Variants in CEP70 observed in about 807,000 individuals in gnomAD.
CEP70 encodes the protein centrosomal protein of 70 kDa.
CEP70 carries 70 observed loss-of-function variants against 90.9 expected under a neutral mutation model. The ratio of observed to expected loss-of-function variants is 0.77; its 90% CI spans 0.64 to 0.94. The LOEUF (loss-of-function observed/expected upper bound fraction) is 0.94. Ranked by LOEUF, CEP70 falls within the 40% of genes least tolerant of loss-of-function variation. The pLI is 0.00. For missense variants in CEP70, 648 were observed against 669.0 expected, an observed-to-expected ratio of 0.97 and a Z score of 0.35; for synonymous variants, 220 against 228.3, an observed-to-expected ratio of 0.96 and a Z score of 0.33.
chr3:138,584,384 G>A (rs552448106), intron 2 of CEP70, among the ~76,000 whole-genome samples: 103 of 150,726 alleles, frequency 6.8e-4, no homozygotes, highest in African/African-American at 2.4e-3. Flanking sequence ...TCTGAAGAAT[G>A]GAAGAGGAGG....
intron 6 of CEP70, among the ~76,000 whole-genome samples, chr3:138,554,580 T>A (rs1255254089): frequency 1.3e-5 from 2 of 152,170 alleles, no homozygotes; most frequent in Non-Finnish European, 2.9e-5. Context: ...CTTAGAGTTT[T>A]CTAAAAAGCT....
At position 138,530,899 on chromosome 3, in the gene CEP70, T is replaced by C. The variant is rs972030385; in HGVS notation, c.693-1437A>G. The C allele has an allele frequency of 4.2e-6, 4 of 963,360 alleles. No homozygotes were observed. The African/African-American group carries it at 5.3e-5, about 13-fold the overall frequency. 59.7% of individuals were successfully genotyped at this position (963,360 alleles called of 1,614,324 possible). The stretch of plus-strand genomic sequence containing the variant: ...CTTAGAAAGGAGACTGAGTTTATAA[T>C]ATAAACTCCACTCAGTCAATGAATC... On this transcript the variant is annotated intron_variant, in intron 8 of 17. Transcript: ENST00000264982.
Position 138,570,336 on chromosome 3 carries a change from C to T in CEP70, c.447G>A (p.Lys149=). 6.3e-7 allele frequency: 1 copy of T among 1,583,224 alleles called. No individual in the cohort carries two copies. The highest frequency in any genetic ancestry group is 1.2e-5 in the South Asian group (1 of 85,006). ...TCAGTACCTGTAAAGTTTTCTGCTC[C>T]TTTTGAAGATCTTTTATTTTATTCT... The part of the protein sequence containing the change: ...HQQNKIKDLQ[K]EQKTLQVKCQ... Residue 149 remains lysine (K), a synonymous_variant, in exon 6 of 18, where the codon AAG becomes AAA. Transcript: ENST00000264982.
intron 13 of CEP70, among the ~76,000 whole-genome samples, chr3:138,502,688 TAAG>T (rs958394590): frequency 3.7e-4 from 57 of 152,258 alleles, no homozygotes; most frequent in African/African-American, 1.3e-3. Context: ...ATTACAAAGC[TAAG>T]AAGAAAAGAT....
chr3:138,523,481 G>A (rs1488284438), intron 11 of CEP70, among the ~76,000 whole-genome samples: 1 of 152,072 alleles, frequency 6.6e-6, no homozygotes, highest in African/African-American at 2.4e-5. Flanking sequence ...AAACCCCATT[G>A]TCTCAGCCCA....
At chr3:138,574,813 T>C (rs1480766353) in intron 2 of CEP70, among the ~76,000 whole-genome samples, 1 of 152,206 alleles carries the variant, frequency 6.6e-6, no homozygotes, top group Non-Finnish European at 1.5e-5. Flanking sequence ...AAACAGGGTC[T>C]GGAGTGGACC....
chr3:138,540,533 C>G (rs2038673446), intron 6 of CEP70, among the ~76,000 whole-genome samples: 1 of 146,212 alleles, frequency 6.8e-6, no homozygotes. Context: ...AAATGCAAAT[C>G]AAAACCACAA....
At chr3:138,543,388 T>C (rs1194507166) in intron 6 of CEP70, among the ~76,000 whole-genome samples, 1 of 152,206 alleles carries the variant, frequency 6.6e-6, no homozygotes, top group African/African-American at 2.4e-5. Flanking sequence ...CACACCTGAC[T>C]GGGTCATGAC....
intron 6 of CEP70, 32 bp downstream of exon 6, chr3:138,570,286 T>C: frequency 2.1e-6 from 3 of 1,432,518 alleles, no homozygotes; most frequent in Non-Finnish European, 2.9e-6. Flanking sequence ...TAGTACTAAC[T>C]AACCATCATC....
intron 2 of CEP70, among the ~76,000 whole-genome samples, chr3:138,586,247 T>G (rs1041513558): frequency 6.6e-6 from 1 of 152,124 alleles, no homozygotes; most frequent in African/African-American, 2.4e-5. Context: ...AACCTCTGCC[T>G]CCCAGGTTCA....
chr3:138,564,380 C>A (rs956837292), intron 6 of CEP70, among the ~76,000 whole-genome samples: 2 of 152,174 alleles, frequency 1.3e-5, no homozygotes, highest in Admixed American at 6.6e-5. Flanking sequence ...CAAAACCTGG[C>A]AGAGACACAA....
At chr3:138,528,015 A>C (rs2037452105) in intron 10 of CEP70, among the ~76,000 whole-genome samples, 1 of 145,230 alleles carries the variant, frequency 6.9e-6, no homozygotes, top group South Asian at 2.1e-4. Flanking sequence ...TTTAAAAGCA[A>C]AAAAAAAAAA....
intron 6 of CEP70, among the ~76,000 whole-genome samples, chr3:138,545,589 C>A (rs182096978): frequency 2.6e-5 from 4 of 152,232 alleles, no homozygotes; most frequent in East Asian, 1.9e-4. Context: ...TGACTGCCTG[C>A]AGGGTCAGGC....
intron 6 of CEP70, among the ~76,000 whole-genome samples, chr3:138,568,061 T>C (rs2040910333): frequency 6.6e-6 from 1 of 152,146 alleles, no homozygotes; most frequent in Non-Finnish European, 1.5e-5. Flanking sequence ...AAACAGCCAA[T>C]TTCAGTTGAT....
chr3:138,549,719 A>C (rs1082034), intron 6 of CEP70, among the ~76,000 whole-genome samples: 1 of 151,630 alleles, frequency 6.6e-6, no homozygotes, highest in Non-Finnish European at 1.5e-5. Flanking sequence ...CAGCTGATGC[A>C]CTCTTGAATG....
chr3:138,500,932 A>T, intron 13 of CEP70, 51 bp from the exon 14 acceptor site: 1 of 883,614 alleles, frequency 1.1e-6, no homozygotes, highest in Non-Finnish European at 1.6e-6. Flanking sequence ...TAATTTCTAT[A>T]GTAACATAAT....
Position 138,505,334 on chromosome 3 carries a change from AG to A in CEP70, c.1181del (p.Pro394LeufsTer2), listed in dbSNP as rs2034883995. On this transcript the variant is annotated frameshift_variant, in exon 13 of 18. Coordinates refer to ENST00000264982, the MANE Select transcript of CEP70 (RefSeq NM_024491.4). LOFTEE classifies it high-confidence loss of function. ...GTTGATCTGCCCACATTTCTATTACAGGAACAAGATGCTCAAATCCACAATC... is the reference window on the plus strand; with the variant it reads ...GTTGATCTGCCCACATTTCTATTACAGAACAAGATGCTCAAATCCACAATC... ...VQDCGFEHLV[P>X]VIEMWADQLT... The A allele has an allele frequency of 1.9e-6, 3 of 1,612,116 alleles. No homozygotes were observed. The highest frequency in any genetic ancestry group is 1.7e-5 in the Admixed American group (1 of 59,828).
intron 11 of CEP70, among the ~76,000 whole-genome samples, chr3:138,510,853 C>A (rs1486755647): frequency 6.8e-6 from 1 of 146,796 alleles, no homozygotes; most frequent in East Asian, 2.0e-4. Context: ...ATGCTTTTTC[C>A]ATCTTTTTTT....
At chr3:138,572,617 T>C (rs1331166754) in intron 3 of CEP70, among the ~76,000 whole-genome samples, 1 of 152,190 alleles carries the variant, frequency 6.6e-6, no homozygotes, top group Non-Finnish European at 1.5e-5. Context: ...AGAACACTAG[T>C]CTAATGAAAT....
Sources: gnomAD v4.1 joint callset for allele counts (sites outside exome capture counted in the v4.1 genomes callset) on GRCh38, gnomAD v4.1.1 for gene constraint, MANE v1.5 for transcripts, NCBI Gene and HGNC (gene_info 2026-07-23, HGNC 2026-07-21) for gene names.